The following TSNARE1 variants were observed in gnomAD, a reference collection of about 807,000 sequenced individuals.
The protein encoded by TSNARE1 is t-SNARE domain containing 1.
TSNARE1 carries 49 observed loss-of-function variants against 62.0 expected under a neutral mutation model. The ratio of observed to expected loss-of-function variants is 0.79; its 90% CI spans 0.63 to 1.00. The LOEUF is 1.00. TSNARE1 is among the 50% of genes least tolerant of loss of function. The pLI, the probability that TSNARE1 is intolerant of heterozygous loss-of-function variation, is 0.00. For missense variants in TSNARE1, 755 were observed against 700.1 expected (o/e 1.08, Z -0.88); for synonymous variants, 328 against 294.4 (o/e 1.11, Z -1.17).
intron 4 of TSNARE1, among the ~76,000 whole-genome samples, chr8:142,339,808 C>T (rs1194918214): frequency 6.6e-6 from 1 of 152,224 alleles, no homozygotes; most frequent in Admixed American, 6.5e-5. Flanking sequence ...TGAGTCTGGG[C>T]CCTCGCCAGC....
chr8:142,256,319 CCAT>C (rs1818554781), intron 12 of TSNARE1, among the ~76,000 whole-genome samples: 7 of 137,108 alleles, frequency 5.1e-5, no homozygotes, highest in East Asian at 2.3e-4. Context: ...ATCATCACCA[CCAT>C]CACCATCTTT....
chr8:142,329,067 C>T (rs570100369), intron 6 of TSNARE1, among the ~76,000 whole-genome samples: 1 of 152,278 alleles, frequency 6.6e-6, no homozygotes, highest in Admixed American at 6.5e-5. Context: ...TTGGCAACTT[C>T]GTCAATGTGG....
chr8:142,377,512 GAACT>G (rs2131148606), intron 1 of TSNARE1, among the ~76,000 whole-genome samples: 1 of 152,272 alleles, frequency 6.6e-6, no homozygotes, highest in Non-Finnish European at 1.5e-5. Context: ...GACATAACAT[GAACT>G]AAGTCAGGGC....
chr8:142,220,279 G>A (rs1315715510), intron 13 of TSNARE1, among the ~76,000 whole-genome samples: 1 of 152,182 alleles, frequency 6.6e-6, no homozygotes, highest in African/African-American at 2.4e-5. Flanking sequence ...CTCAGAGAGG[G>A]GAAGCCCCAT....
intron 11 of TSNARE1, among the ~76,000 whole-genome samples, chr8:142,279,654 C>G (rs1251773145): frequency 6.6e-6 from 1 of 152,174 alleles, no homozygotes; most frequent in South Asian, 2.1e-4. Context: ...ACAGGCAGAA[C>G]CCTCCCTGGC....
intron 12 of TSNARE1, among the ~76,000 whole-genome samples, chr8:142,236,885 C>T (rs936031887): frequency 1.2e-4 from 18 of 152,312 alleles, no homozygotes; most frequent in African/African-American, 3.6e-4. Flanking sequence ...AGGAAGCAGG[C>T]GCAGAGGAAA....
chr8:142,227,906 T>A (rs888080132), intron 13 of TSNARE1, among the ~76,000 whole-genome samples: 2 of 151,982 alleles, frequency 1.3e-5, no homozygotes, highest in Non-Finnish European at 2.9e-5. Context: ...ACCATGGGAG[T>A]CTCCAGTGCT....
chr8:142,246,462 C>T (rs1327883068), intron 12 of TSNARE1, among the ~76,000 whole-genome samples: 1 of 152,158 alleles, frequency 6.6e-6, no homozygotes, highest in Non-Finnish European at 1.5e-5. Flanking sequence ...TGCCCACCCC[C>T]TCCCTGGCAT....
rs190336163 is a variant in TSNARE1 at position 142,229,200 on chromosome 8, G to A, written c.*11+273C>T. Among the ~76,000 whole-genome samples, 23 of 151,676 alleles carry A rather than the reference G, an allele frequency of 1.5e-4. No homozygotes were observed. In the East Asian group the frequency reaches 3.9e-3, roughly 26 times the overall value. ...ATGGATGGACAGATGGTGAATGGGTGGATAGAAGGGTGGATGGTGGGTGGA... is the reference window on the plus strand; with the variant it reads ...ATGGATGGACAGATGGTGAATGGGTAGATAGAAGGGTGGATGGTGGGTGGA... On this transcript the variant is annotated intron_variant, in intron 13 of 13. Coordinates refer to ENST00000524325, the MANE Select transcript of TSNARE1 (RefSeq NM_145003.5).
intron 5 of TSNARE1, among the ~76,000 whole-genome samples, chr8:142,331,228 G>A (rs535167649): frequency 9.2e-5 from 14 of 152,364 alleles, no homozygotes; most frequent in Admixed American, 5.2e-4. Flanking sequence ...GCTCTGAGGA[G>A]CTGCCTCCAG....
chr8:142,329,943 G>A (rs190096011), intron 6 of TSNARE1, among the ~76,000 whole-genome samples: 42 of 152,380 alleles, frequency 2.8e-4, no homozygotes, highest in Middle Eastern at 3.4e-3. Context: ...TTTGAACGGA[G>A]CCGCCGTGAG....
intron 11 of TSNARE1, chr8:142,280,133 G>T (rs1197075361): frequency 9.1e-7 from 1 of 1,103,376 alleles, no homozygotes; most frequent in Non-Finnish European, 1.1e-6. Flanking sequence ...AACAGCAGCG[G>T]GTAGTGGCGC....
intron 1 of TSNARE1, among the ~76,000 whole-genome samples, chr8:142,382,829 G>C (rs1349023536): frequency 6.6e-6 from 1 of 152,242 alleles, no homozygotes; most frequent in African/African-American, 2.4e-5. Context: ...GCACTTTTCT[G>C]TCCTTCCACA....
chr8:142,337,366 G>A (rs921474032), intron 4 of TSNARE1, among the ~76,000 whole-genome samples: 8 of 152,300 alleles, frequency 5.3e-5, no homozygotes, highest in East Asian at 3.9e-4. Context: ...ACATTTGTCC[G>A]TACAAAGATC....
intron 10 of TSNARE1, among the ~76,000 whole-genome samples, chr8:142,287,012 G>A (rs1447302687): frequency 3.3e-5 from 5 of 152,212 alleles, no homozygotes; most frequent in Non-Finnish European, 7.3e-5. Context: ...ACTGCCCAAT[G>A]ACACACAGCT....
chr8:142,325,981 G>C (rs998312736), intron 6 of TSNARE1: 3 of 160,102 alleles, frequency 1.9e-5, no homozygotes, highest in Non-Finnish European at 2.7e-5. Context: ...GGGCCCCGGA[G>C]GGCATGAGAC....
intron 9 of TSNARE1, among the ~76,000 whole-genome samples, chr8:142,312,785 T>C (rs1362203889): frequency 6.6e-6 from 1 of 152,176 alleles, no homozygotes; most frequent in African/African-American, 2.4e-5. Context: ...TGAACTCTAA[T>C]TTTTGCCTCT....
chr8:142,349,683 A>G (rs1417108402), intron 2 of TSNARE1, among the ~76,000 whole-genome samples: 1 of 152,202 alleles, frequency 6.6e-6, no homozygotes, highest in Non-Finnish European at 1.5e-5. Context: ...GACGTGGTTG[A>G]GATGCTGTGG....
intron 2 of TSNARE1, among the ~76,000 whole-genome samples, chr8:142,348,318 AC>A (rs1381187376): frequency 2.0e-5 from 3 of 152,154 alleles, no homozygotes; most frequent in Admixed American, 6.5e-5. Context: ...CCCAGCTGTA[AC>A]ACATCGTCTC....
Sources: allele counts gnomAD v4.1 joint callset (sites outside exome capture counted in the v4.1 genomes callset), GRCh38; gene constraint gnomAD v4.1.1; transcripts MANE v1.5; gene names NCBI Gene and HGNC (gene_info 2026-07-23, HGNC 2026-07-21).